Variants in PTK7 observed in about 807,000 individuals in gnomAD.
PTK7 encodes inactive tyrosine-protein kinase 7.
PTK7 carries 39 observed loss-of-function variants against 116.6 expected under a neutral mutation model. The ratio of observed to expected loss-of-function variants is 0.33; its 90% CI spans 0.26 to 0.44. The LOEUF is 0.44. Among genes scored for constraint, PTK7 ranks in the 20% least tolerant of loss-of-function variants. The pLI is 1.00. For synonymous variants in PTK7, 546 were observed against 563.6 expected, an observed-to-expected ratio of 0.97 and a Z score of 0.44; for missense variants, 1,169 against 1,425.6, an observed-to-expected ratio of 0.82 and a Z score of 2.90.
rs753846090 is a variant in PTK7, at chr6:43,139,094, G to A, written c.1363-42G>A. 16 of 1,612,118 alleles carry A rather than the reference G, an allele frequency of 9.9e-6. No individual in the cohort carries two copies. The highest frequency in any genetic ancestry group is 2.2e-5 in the East Asian group (1 of 44,824). On this transcript the variant is annotated intron_variant, in intron 8 of 19. Coordinates refer to ENST00000230419, the MANE Select transcript of PTK7 (RefSeq NM_002821.5). The surrounding 1 kb of genome is among the most constrained non-coding windows in gnomAD (Gnocchi z 4.6). Reference sequence around the variant, plus strand: ...CTGGAGGCAGCCTCCAGGGAGAGGTGGGTGTGGGTTCAGGCTCTGAGGCCT... The same window carrying A: ...CTGGAGGCAGCCTCCAGGGAGAGGTAGGTGTGGGTTCAGGCTCTGAGGCCT...
At chr6:43,124,996 A>T (rs1769203296) in intron 1 of PTK7, among the ~76,000 whole-genome samples, 1 of 152,130 alleles carries the variant, frequency 6.6e-6, no homozygotes. Context: ...AACATGGAGA[A>T]ACTCAGTCTC....
Position 43,160,949 on chromosome 6 carries a change from G to T in PTK7, c.*68G>T. 2 of 1,563,876 alleles carry T rather than the reference G, an allele frequency of 1.3e-6. No individual in the cohort carries two copies. The highest frequency in any genetic ancestry group is 1.2e-5 in the South Asian group (1 of 85,632). On this transcript the variant is annotated 3_prime_UTR_variant, in exon 20 of 20. Coordinates refer to ENST00000230419, the MANE Select transcript of PTK7 (RefSeq NM_002821.5). ...TCTAGAGGGAAGCTCACAGCATGAT[G>T]GGCAAGATCCCTGTCCTCCTGGGCC... is the stretch of plus-strand genomic sequence containing the variant.
chr6:43,101,933 C>T (rs1198599798), intron 1 of PTK7, among the ~76,000 whole-genome samples: 5 of 152,156 alleles, frequency 3.3e-5, no homozygotes, highest in African/African-American at 7.2e-5. Context: ...TGGTGGTTCA[C>T]GCCTGTAATC....
At chr6:43,160,337 C>T (rs1771773554) in intron 19 of PTK7, among the ~76,000 whole-genome samples, 1 of 152,188 alleles carries the variant, frequency 6.6e-6, no homozygotes, top group African/African-American at 2.4e-5. Flanking sequence ...TCAGGCTGGT[C>T]TCAAACTCCT....
intron 1 of PTK7, among the ~76,000 whole-genome samples, chr6:43,081,625 G>C (rs1198275514): frequency 6.6e-6 from 1 of 152,016 alleles, no homozygotes; most frequent in Non-Finnish European, 1.5e-5. Flanking sequence ...GGCTGGTCTC[G>C]AACTCCTGAC....
chr6:43,118,473 T>G, intron 1 of PTK7, among the ~76,000 whole-genome samples: 1 of 150,644 alleles, frequency 6.6e-6, no homozygotes, highest in Non-Finnish European at 1.5e-5. Context: ...GAGGCGGGGG[T>G]TGCAGTGAGC....
At chr6:43,101,740 G>A (rs1767595345) in intron 1 of PTK7, among the ~76,000 whole-genome samples, 1 of 152,136 alleles carries the variant, frequency 6.6e-6, no homozygotes, top group Non-Finnish European at 1.5e-5. Flanking sequence ...TGCTGACAGT[G>A]CAGAAAACCA....
rs143113594 is a variant in PTK7, at chr6:43,111,596, C to G, written c.80-17381C>G. On this transcript the variant is annotated intron_variant, in intron 1 of 19. Coordinates refer to ENST00000230419, the MANE Select transcript of PTK7 (RefSeq NM_002821.5). ...ATGTGCCAGGCACTGTTTCACACTG[C>G]TACCTCTGTTACCATGTGAATTTTC... 2.5e-3 allele frequency among the ~76,000 whole-genome samples: 384 copies of G among 152,304 alleles called. 2 individuals carry two copies. Among genetic ancestry groups the G allele is most frequent in the African/African-American group, 8.1e-3 (337 of 41,574 alleles).
At chr6:43,083,807 T>G (rs541136104) in intron 1 of PTK7, among the ~76,000 whole-genome samples, 1 of 152,332 alleles carries the variant, frequency 6.6e-6, no homozygotes, top group African/African-American at 2.4e-5. Flanking sequence ...GTGTAAGCCT[T>G]GATAAGCGGG....
Position 43,160,718 on chromosome 6 carries a change from C to T in PTK7, c.3053-3C>T, listed in dbSNP as rs770715252. On this transcript the variant is annotated splice_region_variant and splice_polypyrimidine_tract_variant and intron_variant, in intron 19 of 19. Transcript: ENST00000230419. ...AACACTGCACCTGCTGTCTTCCCTACAGATTTGCAGGCTGGGAAGGCTAGA... is the reference window on the plus strand; with the variant it reads ...AACACTGCACCTGCTGTCTTCCCTATAGATTTGCAGGCTGGGAAGGCTAGA... 6.8e-6 allele frequency: 11 copies of T among 1,613,852 alleles called. No homozygotes were observed. The highest frequency in any genetic ancestry group is 8.5e-6 in the Non-Finnish European group (10 of 1,179,914).
intron 1 of PTK7, among the ~76,000 whole-genome samples, chr6:43,091,799 C>G (rs1450343794): frequency 2.6e-5 from 4 of 152,212 alleles, no homozygotes; most frequent in Non-Finnish European, 5.9e-5. Flanking sequence ...GGACATGAAT[C>G]ATCCCTTTGT....
chr6:43,105,110 C>CTT (rs768467544), intron 1 of PTK7, among the ~76,000 whole-genome samples: 2 of 140,774 alleles, frequency 1.4e-5, no homozygotes, highest in African/African-American at 5.2e-5. Flanking sequence ...CAAGCCCAGC[C>CTT]TTTTTTTTTT....
rs1464279364 is a variant in PTK7, at chr6:43,076,515, C to T, written c.27C>T (p.Ala9=). The T allele has an allele frequency of 1.9e-6, 3 of 1,574,170 alleles. No individual in the cohort carries two copies. Among genetic ancestry groups the T allele is most frequent in the South Asian group, 1.1e-5 (1 of 87,360 alleles). Residue 9 remains alanine (A), a synonymous_variant, in exon 1 of 20, where the codon GCC becomes GCT. Transcript: ENST00000230419. The surrounding 1 kb of genome is among the most constrained non-coding windows in gnomAD (Gnocchi z 5.7). The part of the protein sequence containing the change: MGAARGSP[A]RPRRLPLLSV... ...TGGGAGCTGCGCGGGGATCCCCGGC[C>T]AGACCCCGCCGGTTGCCTCTGCTCA...
At chr6:43,107,386 C>A (rs902034546) in intron 1 of PTK7, among the ~76,000 whole-genome samples, 4 of 152,210 alleles carry the variant, frequency 2.6e-5, no homozygotes. Context: ...TGTTACTCAT[C>A]AGCTGTGTGA....
At chr6:43,117,032 C>T (rs1768597242) in intron 1 of PTK7, among the ~76,000 whole-genome samples, 1 of 152,032 alleles carries the variant, frequency 6.6e-6, no homozygotes, top group South Asian at 2.1e-4. Flanking sequence ...CCATGTTGCC[C>T]AGGCTGGTCT....
At chr6:43,146,584 C>T (rs777275449) in intron 16 of PTK7, 34 bp from the exon 17 acceptor site, 1 of 1,595,188 alleles carries the variant, frequency 6.3e-7, no homozygotes, top group Non-Finnish European at 8.6e-7. Flanking sequence ...TGGCTGTGCA[C>T]TGACCTGAGC....
At chr6:43,149,243 G>A (rs960173591) in intron 17 of PTK7, among the ~76,000 whole-genome samples, 1 of 151,322 alleles carries the variant, frequency 6.6e-6, no homozygotes, top group Non-Finnish European at 1.5e-5. Flanking sequence ...ATGGTGTCAC[G>A]TGCATATAAT....
intron 1 of PTK7, among the ~76,000 whole-genome samples, chr6:43,081,036 A>G (rs924811973): frequency 6.6e-6 from 1 of 151,884 alleles, no homozygotes. Flanking sequence ...CTTTACAGTC[A>G]TTCCCAACAA....
chr6:43,128,104 C>A (rs911716797), intron 1 of PTK7, among the ~76,000 whole-genome samples: 1 of 152,198 alleles, frequency 6.6e-6, no homozygotes, highest in African/African-American at 2.4e-5. Context: ...CATCTGTGGC[C>A]ACCTCTGATG....
Sources: allele counts gnomAD v4.1 joint callset (sites outside exome capture counted in the v4.1 genomes callset), GRCh38; gene constraint gnomAD v4.1.1; non-coding constraint Gnocchi (gnomAD v3.1); transcripts MANE v1.5; gene names NCBI Gene and HGNC (gene_info 2026-07-23, HGNC 2026-07-21).